Variants in ARHGAP24 observed in about 807,000 individuals in gnomAD.
ARHGAP24 encodes Rho GTPase activating protein 24.
In ARHGAP24, 50 loss-of-function variants were observed where a neutral mutation model predicts 76.4. The ratio of observed to expected loss-of-function variants is 0.65; its 90% CI spans 0.52 to 0.83. The LOEUF (loss-of-function observed/expected upper bound fraction) is 0.83, where lower values mean the gene tolerates loss of function less well. ARHGAP24 is among the 40% of genes least tolerant of loss of function. The probability of loss-of-function intolerance (pLI) is 0.00; values close to 1 mark genes in which losing one functional copy is unlikely to be tolerated. For missense variants in ARHGAP24, 930 were observed against 914.2 expected (o/e 1.02, Z -0.22); for synonymous variants, 345 against 323.3 (o/e 1.07, Z -0.72).
At chr4:85,584,153 T>A (rs1406378540) in intron 2 of ARHGAP24, among the ~76,000 whole-genome samples, 3 of 152,040 alleles carry the variant, frequency 2.0e-5, no homozygotes, top group African/African-American at 7.2e-5. Context: ...GTATGTTTAT[T>A]GTGGCACTAT....
chr4:85,721,743 G>T (rs1162027147), intron 2 of ARHGAP24, 142 bp from the exon 3 acceptor site: 11 of 724,460 alleles, frequency 1.5e-5, no homozygotes, highest in Admixed American at 2.3e-5. Context: ...CATAATTTTT[G>T]ATTATTGGGA....
rs540514458 is a variant in ARHGAP24 at position 85,943,658 on chromosome 4, G to T, written c.599+1385G>T. 3.9e-5 allele frequency among the ~76,000 whole-genome samples: 6 copies of T among 152,098 alleles called. No individual in the cohort carries two copies. The South Asian group carries it at 1.2e-3, about 32-fold the overall frequency. ...TGGTGTGTGATGTTCCCCTCCCTGT[G>T]TCCATGTATTCTCATTGTGCAACTC... On this transcript the variant is annotated intron_variant, in intron 5 of 9. Transcript: ENST00000395184.
chr4:85,819,671 C>T (rs1729385554), intron 3 of ARHGAP24, among the ~76,000 whole-genome samples: 1 of 152,178 alleles, frequency 6.6e-6, no homozygotes, highest in South Asian at 2.1e-4. Context: ...GTAATCCCAG[C>T]ACTTTGGGAG....
At chr4:85,846,389 T>G (rs935576945) in intron 3 of ARHGAP24, among the ~76,000 whole-genome samples, 11 of 141,524 alleles carry the variant, frequency 7.8e-5, no homozygotes, top group South Asian at 2.1e-4. Flanking sequence ...TAATTCAGGG[T>G]TTTTTTTATT....
At chr4:85,636,999 A>G (rs1721331865) in intron 2 of ARHGAP24, among the ~76,000 whole-genome samples, 1 of 152,094 alleles carries the variant, frequency 6.6e-6, no homozygotes, top group South Asian at 2.1e-4. Context: ...AAAGTGTCGC[A>G]TTCATGGATA....
At chr4:85,708,387 C>T (rs1024801889) in intron 2 of ARHGAP24, among the ~76,000 whole-genome samples, 2 of 152,214 alleles carry the variant, frequency 1.3e-5, no homozygotes, top group Non-Finnish European at 2.9e-5. Context: ...CATCTATAAA[C>T]TTTATTTAAA....
At chr4:85,811,107 A>G (rs1672710934) in intron 3 of ARHGAP24, among the ~76,000 whole-genome samples, 2 of 152,192 alleles carry the variant, frequency 1.3e-5, no homozygotes, top group African/African-American at 4.8e-5. Context: ...CAAGATAGGG[A>G]TTTGAACTAC....
At chr4:85,823,722 T>C (rs1729579450) in intron 3 of ARHGAP24, among the ~76,000 whole-genome samples, 1 of 152,178 alleles carries the variant, frequency 6.6e-6, no homozygotes, top group South Asian at 2.1e-4. Context: ...ATATGTTCAA[T>C]GACCTTGTTT....
chr4:85,634,011 T>C (rs1054854772), intron 2 of ARHGAP24, among the ~76,000 whole-genome samples: 1 of 151,896 alleles, frequency 6.6e-6, no homozygotes, highest in African/African-American at 2.4e-5. Flanking sequence ...GTTTTTACAA[T>C]TCCTCCTATG....
At chr4:85,735,753 C>T (rs1157842820) in intron 3 of ARHGAP24, among the ~76,000 whole-genome samples, 2 of 152,118 alleles carry the variant, frequency 1.3e-5, no homozygotes, top group African/African-American at 4.8e-5. Flanking sequence ...TCTTCTCTTC[C>T]ATACACTGTA....
At chr4:85,790,535 C>A (rs1159259574) in intron 3 of ARHGAP24, among the ~76,000 whole-genome samples, 2 of 152,128 alleles carry the variant, frequency 1.3e-5, no homozygotes, top group Non-Finnish European at 2.9e-5. Context: ...AAGATTATAT[C>A]CTTTTGCTCT....
rs140660196 is a variant in ARHGAP24 at position 85,590,208 on chromosome 4, T to G, written c.180+19487T>G. 0.011 allele frequency among the ~76,000 whole-genome samples: 846 copies of G among 74,096 alleles called. 6 individuals carry two copies. In the East Asian group the frequency reaches 0.18, roughly 16 times the overall value. The allele number at this position is 74,096 out of a possible 152,430, so 48.6% of individuals were successfully genotyped here. A position where few individuals can be genotyped will look rare whatever the true frequency, so the allele number is the denominator to read the frequency against. ...TGCCTGCCTGCCTTCCTTCCTTCCT[T>G]CCTTCCTTCCTTCCTTCCTTCCTTC... On this transcript the variant is annotated intron_variant, in intron 2 of 9. Coordinates refer to ENST00000395184, the MANE Select transcript of ARHGAP24 (RefSeq NM_001025616.3).
chr4:85,692,231 C>G (rs1198593902), intron 2 of ARHGAP24, among the ~76,000 whole-genome samples: 1 of 152,116 alleles, frequency 6.6e-6, no homozygotes, highest in Non-Finnish European at 1.5e-5. Context: ...TATATGTGAT[C>G]TGACCCTTCT....
At chr4:85,661,919 A>G (rs4482758) in intron 2 of ARHGAP24, among the ~76,000 whole-genome samples, 39,593 of 151,218 alleles carry the variant, frequency 0.26, 7,252 homozygotes, top group East Asian at 0.84. Context: ...GTCTATCCTT[A>G]TTGGACATTT....
intron 3 of ARHGAP24, among the ~76,000 whole-genome samples, chr4:85,833,268 G>A (rs1730087462): frequency 6.6e-6 from 1 of 152,156 alleles, no homozygotes; most frequent in African/African-American, 2.4e-5. Context: ...GCCCTTTGAA[G>A]TTGCTATCGG....
chr4:85,517,712 A>T (rs1042274212), intron 1 of ARHGAP24, among the ~76,000 whole-genome samples: 1 of 152,090 alleles, frequency 6.6e-6, no homozygotes, highest in African/African-American at 2.4e-5. Flanking sequence ...CCGGTTTAAT[A>T]AATTTTTAAT....
chr4:85,848,838 T>G (rs991235081), intron 3 of ARHGAP24, among the ~76,000 whole-genome samples: 1 of 152,218 alleles, frequency 6.6e-6, no homozygotes, highest in African/African-American at 2.4e-5. Flanking sequence ...CATGCTGTTT[T>G]GGTTACTGTA....
intron 1 of ARHGAP24, among the ~76,000 whole-genome samples, chr4:85,549,616 T>C (rs769693595): frequency 8.6e-5 from 13 of 150,684 alleles, no homozygotes; most frequent in Admixed American, 2.6e-4. Context: ...CTTTTTAACT[T>C]TTATTTCAGG....
chr4:85,482,370 C>T (rs769373832), intron 1 of ARHGAP24, among the ~76,000 whole-genome samples: 1 of 152,192 alleles, frequency 6.6e-6, no homozygotes, highest in Non-Finnish European at 1.5e-5. Flanking sequence ...CTTATGCTTT[C>T]ATCGTGGGAT....
Sources: allele counts gnomAD v4.1 joint callset (sites outside exome capture counted in the v4.1 genomes callset), GRCh38; gene constraint gnomAD v4.1.1; transcripts MANE v1.5; gene names NCBI Gene and HGNC (gene_info 2026-07-23, HGNC 2026-07-21).